AGMO: variants seen among roughly 807,000 people sequenced by gnomAD.
AGMO encodes the protein alkylglycerol monooxygenase.
A neutral mutation model predicts 60.2 loss-of-function variants in AGMO; 75 were observed. That is an observed-to-expected ratio of 1.25 (90% CI 1.03 to 1.51). AGMO has a LOEUF of 1.51. AGMO is among the 40% of genes most tolerant of loss of function. AGMO has a pLI of 0.00. For synonymous variants in AGMO, 261 were observed against 177.1 expected (o/e 1.47, Z -3.76); for missense variants, 763 against 525.5 (o/e 1.45, Z -4.42).
At chr7:15,525,096 T>C (rs1002086438) in intron 3 of AGMO, among the ~76,000 whole-genome samples, 1 of 152,130 alleles carries the variant, frequency 6.6e-6, no homozygotes, top group African/African-American at 2.4e-5. Flanking sequence ...TGCTTCATAA[T>C]ACTCCCTTCC....
intron 3 of AGMO, among the ~76,000 whole-genome samples, chr7:15,433,615 T>C (rs1388779414): frequency 6.6e-6 from 1 of 152,050 alleles, no homozygotes; most frequent in African/African-American, 2.4e-5. Context: ...AATACTTGAA[T>C]TGATGAATTA....
At chr7:15,296,120 T>C (rs543433569) in intron 12 of AGMO, among the ~76,000 whole-genome samples, 2 of 152,312 alleles carry the variant, frequency 1.3e-5, no homozygotes, top group South Asian at 4.1e-4. Context: ...GTCTTTTTTT[T>C]CTAGAATTAC....
intron 5 of AGMO, among the ~76,000 whole-genome samples, chr7:15,409,364 G>T (rs539000451): frequency 1.7e-4 from 26 of 152,008 alleles, no homozygotes; most frequent in Middle Eastern, 3.4e-3. Flanking sequence ...GTGAAACCCA[G>T]ATAAATGTAT....
At chr7:15,553,321 T>TA (rs200805821) in intron 2 of AGMO, among the ~76,000 whole-genome samples, 143 of 145,074 alleles carry the variant, frequency 9.9e-4, no homozygotes, top group African/African-American at 2.8e-3. Flanking sequence ...TAAAGTATAA[T>TA]AAAAAAAATA....
At chr7:15,386,101 A>AAG (rs1248755971) in intron 9 of AGMO, among the ~76,000 whole-genome samples, 1 of 152,102 alleles carries the variant, frequency 6.6e-6, no homozygotes, top group African/African-American at 2.4e-5. Context: ...GAACTGCTTG[A>AAG]ACCTGGTAGG....
intron 3 of AGMO, among the ~76,000 whole-genome samples, chr7:15,472,681 A>G (rs528031085): frequency 7.9e-5 from 12 of 152,126 alleles, no homozygotes; most frequent in Admixed American, 7.9e-4. Flanking sequence ...TAAGAATATT[A>G]TGTGATCATA....
intron 3 of AGMO, among the ~76,000 whole-genome samples, chr7:15,501,459 G>A (rs1783383631): frequency 6.6e-6 from 1 of 151,596 alleles, no homozygotes; most frequent in African/African-American, 2.4e-5. Flanking sequence ...CTCCACTTTT[G>A]TGTATATTTG....
At chr7:15,408,791 C>T (rs1200369890) in intron 5 of AGMO, among the ~76,000 whole-genome samples, 1 of 151,706 alleles carries the variant, frequency 6.6e-6, no homozygotes, top group East Asian at 1.9e-4. Context: ...TGAGTGGGGA[C>T]CATGGGTTGT....
intron 12 of AGMO, among the ~76,000 whole-genome samples, chr7:15,275,846 T>C (rs1003105542): frequency 6.6e-6 from 1 of 152,194 alleles, no homozygotes; most frequent in Non-Finnish European, 1.5e-5. Flanking sequence ...TCTGATATAA[T>C]AATGGTTATT....
At chr7:15,357,436 G>A (rs950585422) in intron 12 of AGMO, among the ~76,000 whole-genome samples, 4 of 151,930 alleles carry the variant, frequency 2.6e-5, no homozygotes, top group Admixed American at 6.6e-5. Context: ...AAACCTCAGC[G>A]TGGTAGACGG....
chr7:15,553,677 C>T (rs892850053), intron 2 of AGMO, among the ~76,000 whole-genome samples: 1 of 152,048 alleles, frequency 6.6e-6, no homozygotes, highest in South Asian at 2.1e-4. Context: ...CAATAACAGA[C>T]TGAAGGTCCT....
intron 3 of AGMO, among the ~76,000 whole-genome samples, chr7:15,487,374 C>A (rs1290112578): frequency 3.3e-5 from 5 of 151,976 alleles, no homozygotes; most frequent in African/African-American, 9.7e-5. Flanking sequence ...CTATAACCTC[C>A]TTGTGCTGGC....
chr7:15,394,291 G>A (rs1784278725), intron 5 of AGMO, 112 bp from the exon 6 acceptor site: 7 of 841,866 alleles, frequency 8.3e-6, no homozygotes, highest in Non-Finnish European at 1.3e-5. Flanking sequence ...CGAATTTCAG[G>A]GTTGGTATCA....
At chr7:15,204,119 AC>A (rs1473846204) in intron 12 of AGMO, among the ~76,000 whole-genome samples, 3 of 152,134 alleles carry the variant, frequency 2.0e-5, no homozygotes, top group African/African-American at 7.2e-5. Flanking sequence ...GTAGAAGAAA[AC>A]AGAGTTAATT....
intron 3 of AGMO, among the ~76,000 whole-genome samples, chr7:15,451,651 A>T (rs529400473): frequency 6.6e-6 from 1 of 152,176 alleles, no homozygotes; most frequent in African/African-American, 2.4e-5. Context: ...AAATTAACTC[A>T]AAATGGGTTA....
intron 3 of AGMO, among the ~76,000 whole-genome samples, chr7:15,492,358 GA>G (rs67387904): frequency 0.58 from 67,710 of 116,560 alleles, 18,839 homozygotes; most frequent in East Asian, 0.92. Context: ...GGCCCAATAC[GA>G]AAAAAAAAAA....
At chr7:15,354,500 A>ATACGCGTG (rs1465306839) in intron 12 of AGMO, among the ~76,000 whole-genome samples, 190 of 15,706 alleles carry the variant, frequency 0.012, 11 homozygotes, top group Middle Eastern at 0.036. Context: ...ACACGTGTAT[A>ATACGCGTG]TATATATATA....
chr7:15,202,489 A>AAAAAAAAAAAC (rs1277846759), intron 12 of AGMO, among the ~76,000 whole-genome samples: 1 of 132,054 alleles, frequency 7.6e-6, no homozygotes, highest in African/African-American at 2.9e-5. Context: ...AAAAAAAAAA[A>AAAAAAAAAAAC]CCCTCCCAAA....
At chr7:15,461,803 G>A (rs567572926) in intron 3 of AGMO, among the ~76,000 whole-genome samples, 4 of 152,212 alleles carry the variant, frequency 2.6e-5, no homozygotes, top group Admixed American at 2.0e-4. Flanking sequence ...TATACTTGAA[G>A]AAGTATAGTG....
Sources: gnomAD v4.1 joint callset for allele counts (sites outside exome capture counted in the v4.1 genomes callset) on GRCh38, gnomAD v4.1.1 for gene constraint, MANE v1.5 for transcripts, NCBI Gene and HGNC (gene_info 2026-07-23, HGNC 2026-07-21) for gene names.